RARS1: variants seen among roughly 807,000 people sequenced by gnomAD.
RARS1 encodes arginyl-tRNA synthetase 1.
RARS1 carries 75 observed loss-of-function variants against 78.7 expected under a neutral mutation model. The ratio of observed to expected loss-of-function variants is 0.95; its 90% CI spans 0.79 to 1.15. The LOEUF is 1.15. Among genes scored for constraint, RARS1 ranks in the 50% most tolerant of loss-of-function variants. The pLI, the probability that RARS1 is intolerant of heterozygous loss-of-function variation, is 0.00. For missense variants in RARS1, 787 were observed against 787.5 expected (o/e 1.00, Z 0.01); for synonymous variants, 273 against 268.2 (o/e 1.02, Z -0.18).
In RARS1 at chr5:168,519,216, G is replaced by T. The variant is rs769830362; in HGVS notation, c.*26G>T. 1 of 1,566,414 alleles carries T rather than the reference G, an allele frequency of 6.4e-7. No individual in the cohort carries two copies. The highest frequency in any genetic ancestry group is 1.1e-5 in the South Asian group (1 of 87,596). Reference sequence around the variant, plus strand: ...TCCTTCATAGGTTTGAACACTGTGTGTTTTTACCAAAGTGGCCATTGGCAC... The same window carrying T: ...TCCTTCATAGGTTTGAACACTGTGTTTTTTTACCAAAGTGGCCATTGGCAC... On this transcript the variant is annotated 3_prime_UTR_variant, in exon 15 of 15. Transcript: ENST00000231572.
At chr5:168,507,906 A>G (rs1354430536) in intron 11 of RARS1, among the ~76,000 whole-genome samples, 1 of 151,708 alleles carries the variant, frequency 6.6e-6, no homozygotes, top group Non-Finnish European at 1.5e-5. Flanking sequence ...TTAGCCAGGC[A>G]TAGTGGCATG....
At chr5:168,510,046 G>A (rs549825096) in intron 11 of RARS1, among the ~76,000 whole-genome samples, 4 of 152,312 alleles carry the variant, frequency 2.6e-5, no homozygotes, top group East Asian at 1.9e-4. Context: ...CTTGCCAGGC[G>A]ATTCTGGTAT....
chr5:168,500,435 G>GT, intron 7 of RARS1, among the ~76,000 whole-genome samples, 156 bp from the exon 8 acceptor site: 1 of 152,114 alleles, frequency 6.6e-6, no homozygotes, highest in Non-Finnish European at 1.5e-5. Flanking sequence ...ATGTTCATTT[G>GT]TAACAGTATT....
rs765870157 is a variant in RARS1 at position 168,497,327 on chromosome 5, G to A, written c.801G>A (p.Gly267=). 1 of 1,579,562 alleles carries A rather than the reference G, an allele frequency of 6.3e-7. No individual in the cohort carries two copies. Among genetic ancestry groups the A allele is most frequent in the Admixed American group, 1.8e-5 (1 of 55,874 alleles). Residue 267 remains glycine, a synonymous_variant, in exon 7 of 15, where the codon GGG becomes GGA. Transcript: ENST00000231572. ...PDYLTVSPPI[G]DLQVFYKESK... is the part of the protein sequence containing the mutation. Reference sequence around the variant, plus strand: ...ATCTAACAGTTTCACCTCCTATTGGGGATCTTCAGGTCTTTTATAAGGTTT... The same window carrying A: ...ATCTAACAGTTTCACCTCCTATTGGAGATCTTCAGGTCTTTTATAAGGTTT...
At chr5:168,508,619 C>CA (rs34579916) in intron 11 of RARS1, among the ~76,000 whole-genome samples, 12,657 of 59,706 alleles carry the variant, frequency 0.21, 1,450 homozygotes, top group Non-Finnish European at 0.26. Context: ...GACTCTGTCT[C>CA]AAAAAAAAAA....
In RARS1 at chr5:168,486,498, G is replaced by T; in HGVS notation, c.-1G>T. The T allele has an allele frequency of 6.4e-7, 1 of 1,558,536 alleles. No homozygotes were observed. The highest frequency in any genetic ancestry group is 1.2e-5 in the South Asian group (1 of 84,622). On this transcript the variant is annotated 5_prime_UTR_variant, in exon 1 of 15. Transcript: ENST00000231572. ...TTGGCGAGTGAGACGCTGATGGGAGGATGGACGTACTGGTGTCTGAGTGCT... is the reference window on the plus strand; with the variant it reads ...TTGGCGAGTGAGACGCTGATGGGAGTATGGACGTACTGGTGTCTGAGTGCT...
In RARS1 at chr5:168,506,831, A is replaced by G; in HGVS notation, c.1346A>G (p.Lys449Arg). 6.3e-7 allele frequency: 1 copy of G among 1,597,104 alleles called. No individual in the cohort carries two copies. Among genetic ancestry groups the G allele is most frequent in the Admixed American group, 1.7e-5 (1 of 59,808 alleles). The change falls in exon 11 of 15, where the codon AAG becomes AGG. Residue 449 changes from lysine to arginine, a missense_variant and splice_region_variant. Lys to Arg is a conservative substitution (Grantham distance 26). Coordinates refer to ENST00000231572, the MANE Select transcript of RARS1 (RefSeq NM_002887.4). ...AGFGVVLGED[K>R]KKFKTRSGET... ...TTTGGTGTGGTGCTAGGGGAAGACA[A>G]GTAAGTCTGGAAAATCTGAAGATGG...
intron 11 of RARS1, among the ~76,000 whole-genome samples, chr5:168,509,741 G>T (rs1758530513): frequency 2.0e-5 from 3 of 151,676 alleles, no homozygotes; most frequent in African/African-American, 7.3e-5. Flanking sequence ...AGGCTGAGGT[G>T]GGAGGATCAC....
intron 2 of RARS1, among the ~76,000 whole-genome samples, chr5:168,491,440 A>G (rs560998464): frequency 1.3e-5 from 2 of 152,318 alleles, no homozygotes; most frequent in South Asian, 2.1e-4. Flanking sequence ...GATTGGGAAA[A>G]ATGTATCTTC....
intron 9 of RARS1, 114 bp downstream of exon 9, chr5:168,502,219 T>A: frequency 7.0e-7 from 1 of 1,429,160 alleles, no homozygotes; most frequent in Non-Finnish European, 9.2e-7. Context: ...TCAACAGTTA[T>A]GGGTACTGAC....
At chr5:168,498,942 A>G (rs1319476638) in intron 7 of RARS1, among the ~76,000 whole-genome samples, 1 of 152,136 alleles carries the variant, frequency 6.6e-6, no homozygotes, top group East Asian at 1.9e-4. Context: ...ATTGCACTAT[A>G]CAGCCTGGGC....
In RARS1 at chr5:168,489,329, G is replaced by A. The variant is rs908519706; in HGVS notation, c.180+593G>A. Among the ~76,000 whole-genome samples the A allele has an allele frequency of 3.9e-5, 6 of 152,106 alleles. No individual in the cohort carries two copies. The East Asian group carries it at 1.2e-3, about 29-fold the overall frequency. Reference sequence around the variant, plus strand: ...ACCTACTGCACCCAGCAAGGTTGAGGCATTTCTTTCAACAGTTTATGCCCA... The same window carrying A: ...ACCTACTGCACCCAGCAAGGTTGAGACATTTCTTTCAACAGTTTATGCCCA... On this transcript the variant is annotated intron_variant, in intron 2 of 14. Coordinates refer to ENST00000231572, the MANE Select transcript of RARS1 (RefSeq NM_002887.4).
At chr5:168,494,282 C>A in intron 4 of RARS1, 1 of 985,344 alleles carries the variant, frequency 1.0e-6, no homozygotes, top group Non-Finnish European at 1.2e-6. Context: ...GGCACAAGGG[C>A]CTTCTGTTTT....
At chr5:168,509,206 T>TG (rs958801969) in intron 11 of RARS1, among the ~76,000 whole-genome samples, 3 of 152,186 alleles carry the variant, frequency 2.0e-5, no homozygotes, top group Admixed American at 6.5e-5. Context: ...ATTTGAAAGT[T>TG]GAACACTTAA....
In RARS1 at chr5:168,517,934, C is replaced by G; in HGVS notation, c.1745C>G (p.Pro582Arg). The change falls in exon 14 of 15, where the codon CCT (proline) becomes CGT (arginine). Residue 582 changes from proline to arginine, a missense_variant. By Grantham distance (103) the Pro-to-Arg change is moderately radical. Transcript: ENST00000231572. ...WKLGRCILRF[P>R]EILQKILDDL... ...CTAGGCCGGTGCATTTTACGGTTCC[C>G]TGAGATTCTGCAAAAGATTTTAGAT... The G allele has an allele frequency of 6.2e-7, 1 of 1,613,848 alleles. No individual in the cohort carries two copies. The highest frequency in any genetic ancestry group is 8.5e-7 in the Non-Finnish European group (1 of 1,179,982).
chr5:168,518,416 A>G (rs1758721114), intron 14 of RARS1, among the ~76,000 whole-genome samples: 2 of 152,214 alleles, frequency 1.3e-5, no homozygotes, highest in South Asian at 2.1e-4. Context: ...GTGAAGTAGC[A>G]CTTTAAACCA....
chr5:168,498,782 C>T (rs1217789061), intron 7 of RARS1, among the ~76,000 whole-genome samples: 1 of 152,030 alleles, frequency 6.6e-6, no homozygotes, highest in Non-Finnish European at 1.5e-5. Context: ...GTCTGGGCAA[C>T]ATGGCAAAAC....
At chr5:168,516,345 T>C (rs1447382666) in intron 12 of RARS1, among the ~76,000 whole-genome samples, 3 of 152,210 alleles carry the variant, frequency 2.0e-5, no homozygotes, top group Admixed American at 1.3e-4. Flanking sequence ...AATGGGTTCT[T>C]TTATCTACTC....
In RARS1 at chr5:168,494,545, A is replaced by G. The variant is rs757238346; in HGVS notation, c.479-5A>G. 141 of 1,605,724 alleles carry G rather than the reference A, an allele frequency of 8.8e-5. No homozygotes were observed. The East Asian group carries it at 3.0e-3, about 35-fold the overall frequency. ...ATCTGATATTTTTTCTCTTCTATCCATTAGGTTTTATTAATGTCCACTTAA... is the reference window on the plus strand; with the variant it reads ...ATCTGATATTTTTTCTCTTCTATCCGTTAGGTTTTATTAATGTCCACTTAA... On this transcript the variant is annotated splice_region_variant and splice_polypyrimidine_tract_variant and intron_variant, in intron 4 of 14. Transcript: ENST00000231572.
Sources: gnomAD v4.1 joint callset for allele counts (sites outside exome capture counted in the v4.1 genomes callset) on GRCh38, gnomAD v4.1.1 for gene constraint, MANE v1.5 for transcripts, NCBI Gene and HGNC (gene_info 2026-07-23, HGNC 2026-07-21) for gene names.